PLCL1: variants seen among roughly 807,000 people sequenced by gnomAD.
PLCL1 encodes the protein phospholipase C like 1 (inactive), also known as inactive phospholipase C-like protein 1.
In PLCL1, 41 loss-of-function variants were observed where a neutral mutation model predicts 84.4. The ratio of observed to expected loss-of-function variants is 0.49; its 90% CI spans 0.38 to 0.63. The LOEUF (loss-of-function observed/expected upper bound fraction) is 0.63, where lower values mean the gene tolerates loss of function less well. Ranked by LOEUF, PLCL1 falls within the 30% of genes least tolerant of loss-of-function variation. The pLI is 0.00. For synonymous variants in PLCL1, 490 were observed against 488.3 expected (o/e 1.00, Z -0.05); for missense variants, 1,206 against 1,367.8 (o/e 0.88, Z 1.87).
At chr2:197,933,672 A>G (rs926159003) in intron 1 of PLCL1, among the ~76,000 whole-genome samples, 2 of 152,126 alleles carry the variant, frequency 1.3e-5, no homozygotes, top group Non-Finnish European at 2.9e-5. Context: ...AATGGAAGTC[A>G]TTGGAACTGG....
chr2:197,838,141 G>T (rs539339227), intron 1 of PLCL1, among the ~76,000 whole-genome samples: 2 of 152,286 alleles, frequency 1.3e-5, no homozygotes, highest in East Asian at 3.9e-4. Context: ...TGTTTCTCAG[G>T]AAGCTCTCGC....
At chr2:197,868,008 A>G (rs1391822413) in intron 1 of PLCL1, among the ~76,000 whole-genome samples, 3 of 152,194 alleles carry the variant, frequency 2.0e-5, no homozygotes, top group Non-Finnish European at 2.9e-5. Flanking sequence ...TTGATCCTGT[A>G]GGTAAAATAC....
chr2:197,873,979 G>A (rs544969160), intron 1 of PLCL1, among the ~76,000 whole-genome samples: 3 of 152,258 alleles, frequency 2.0e-5, no homozygotes, highest in African/African-American at 7.2e-5. Flanking sequence ...TTTAGTACTT[G>A]TTGATGTTGA....
intron 1 of PLCL1, among the ~76,000 whole-genome samples, chr2:197,888,417 G>A (rs767391554): frequency 6.6e-6 from 1 of 152,058 alleles, no homozygotes; most frequent in Non-Finnish European, 1.5e-5. Context: ...AAACATTAAG[G>A]GCTTATGAAC....
chr2:198,102,938 G>A (rs946937550), intron 4 of PLCL1, among the ~76,000 whole-genome samples: 2 of 152,026 alleles, frequency 1.3e-5, no homozygotes, highest in African/African-American at 4.8e-5. Flanking sequence ...ATGTGATGGT[G>A]ATGGTTTTCA....
chr2:198,121,673 T>C (rs149259464), intron 5 of PLCL1, among the ~76,000 whole-genome samples: 12 of 152,166 alleles, frequency 7.9e-5, no homozygotes, highest in African/African-American at 2.6e-4. Flanking sequence ...ATATGTCTGT[T>C]TTTATGCCAG....
intron 1 of PLCL1, among the ~76,000 whole-genome samples, chr2:197,850,707 A>T (rs1471934895): frequency 1.3e-5 from 2 of 152,144 alleles, no homozygotes; most frequent in African/African-American, 2.4e-5. Context: ...TACCTACTTC[A>T]GGTGTTCATC....
intron 1 of PLCL1, among the ~76,000 whole-genome samples, chr2:197,960,122 C>T (rs996185608): frequency 6.6e-6 from 1 of 152,076 alleles, no homozygotes; most frequent in East Asian, 1.9e-4. Flanking sequence ...TTCCTCAGAT[C>T]ACTGCCTTCT....
intron 1 of PLCL1, among the ~76,000 whole-genome samples, chr2:197,812,744 G>A (rs1024758156): frequency 6.6e-6 from 1 of 152,190 alleles, no homozygotes; most frequent in Admixed American, 6.5e-5. Flanking sequence ...AGCAATCAGA[G>A]ATACTCAAAT....
chr2:197,932,322 A>G (rs1688951622), intron 1 of PLCL1, among the ~76,000 whole-genome samples: 2 of 152,104 alleles, frequency 1.3e-5, no homozygotes, highest in African/African-American at 4.8e-5. Context: ...GTTATTTCCC[A>G]TTTTGAGGTA....
chr2:197,972,407 AT>A (rs915614907), intron 1 of PLCL1, among the ~76,000 whole-genome samples: 3 of 151,834 alleles, frequency 2.0e-5, no homozygotes, highest in East Asian at 1.9e-4. Flanking sequence ...AGAAAAGGAG[AT>A]TTTTTTTCCC....
chr2:197,838,969 A>C (rs1475131893), intron 1 of PLCL1, among the ~76,000 whole-genome samples: 9 of 152,222 alleles, frequency 5.9e-5, no homozygotes, highest in Admixed American at 5.9e-4. Flanking sequence ...GTTTTGGTGC[A>C]TATGCATTTA....
intron 1 of PLCL1, among the ~76,000 whole-genome samples, chr2:197,977,460 T>C (rs1306680088): frequency 1.3e-5 from 2 of 152,218 alleles, no homozygotes; most frequent in Non-Finnish European, 2.9e-5. Flanking sequence ...GCAGTCTCAT[T>C]ACAAATTTGC....
intron 5 of PLCL1, among the ~76,000 whole-genome samples, chr2:198,107,459 AG>A (rs1248524993): frequency 2.6e-5 from 4 of 151,880 alleles, no homozygotes; most frequent in African/African-American, 9.7e-5. Context: ...AATCTCCCTC[AG>A]GGTAGTAATA....
intron 1 of PLCL1, among the ~76,000 whole-genome samples, chr2:198,043,491 A>G (rs530918654): frequency 3.9e-5 from 6 of 152,264 alleles, no homozygotes; most frequent in East Asian, 1.9e-4. Context: ...TTACAAAATC[A>G]TGCAGCCTTG....
chr2:197,897,175 TTC>T (rs1326407436), intron 1 of PLCL1, among the ~76,000 whole-genome samples: 1,983 of 32,152 alleles, frequency 0.062, 60 homozygotes, highest in African/African-American at 0.11. Flanking sequence ...CTTCTTCTTC[TTC>T]TTCTTCTTCT....
chr2:197,934,565 A>G (rs184059880), intron 1 of PLCL1, among the ~76,000 whole-genome samples: 1 of 152,344 alleles, frequency 6.6e-6, no homozygotes, highest in East Asian at 1.9e-4. Context: ...GTATTTGCAG[A>G]TAAGAGAGGC....
intron 2 of PLCL1, among the ~76,000 whole-genome samples, chr2:198,087,743 T>C (rs1185595823): frequency 6.6e-6 from 1 of 152,166 alleles, no homozygotes; most frequent in Non-Finnish European, 1.5e-5. Context: ...CCATTCTTCA[T>C]GATGTGCTTA....
chr2:197,823,458 G>T (rs947487807), intron 1 of PLCL1, among the ~76,000 whole-genome samples: 2 of 152,222 alleles, frequency 1.3e-5, no homozygotes, highest in Admixed American at 1.3e-4. Flanking sequence ...GATAGTCAAT[G>T]AATGTTAATT....
Sources: gnomAD v4.1 joint callset for allele counts (sites outside exome capture counted in the v4.1 genomes callset) on GRCh38, gnomAD v4.1.1 for gene constraint, MANE v1.5 for transcripts, NCBI Gene and HGNC (gene_info 2026-07-23, HGNC 2026-07-21) for gene names.